The following COL4A2 variants were observed in gnomAD, a reference collection of about 807,000 sequenced individuals.
COL4A2 encodes the protein collagen alpha-2(IV) chain.
Under a neutral mutation model 200.2 loss-of-function variants are expected in COL4A2, and 99 were observed. The ratio of observed to expected loss-of-function variants is 0.49; its 90% CI spans 0.42 to 0.58. COL4A2 has a LOEUF of 0.58. Ranked by LOEUF, COL4A2 falls within the 20% of genes least tolerant of loss-of-function variation. The pLI is 0.00. For missense variants in COL4A2, 1,950 were observed against 2,314.1 expected (o/e 0.84, Z 3.23); for synonymous variants, 897 against 900.6 (o/e 1.00, Z 0.07).
At chr13:110,459,048 G>A (rs1428320985) in intron 22 of COL4A2, 114 bp downstream of exon 22, 4 of 1,065,160 alleles carry the variant, frequency 3.8e-6, no homozygotes, top group East Asian at 2.8e-5. Context: ...AACACTCATG[G>A]ACCCAAGGCA....
At chr13:110,460,297 G>A (rs1173224380) in intron 22 of COL4A2, among the ~76,000 whole-genome samples, 4 of 152,120 alleles carry the variant, frequency 2.6e-5, no homozygotes, top group East Asian at 1.9e-4. Flanking sequence ...CGGGCACCTC[G>A]CTGATCCATG....
chr13:110,411,828 A>G (rs1269644458), intron 4 of COL4A2, among the ~76,000 whole-genome samples: 1 of 152,168 alleles, frequency 6.6e-6, no homozygotes, highest in African/African-American at 2.4e-5. Flanking sequence ...CTCTTTTGAA[A>G]AGCCCCATAT....
At chr13:110,308,954 T>C (rs185376575) in intron 3 of COL4A2, among the ~76,000 whole-genome samples, 22 of 152,308 alleles carry the variant, frequency 1.4e-4, no homozygotes, top group Admixed American at 8.5e-4. Flanking sequence ...TTTCGAGATG[T>C]CCGCTGTCCC....
intron 4 of COL4A2, among the ~76,000 whole-genome samples, chr13:110,383,210 G>A (rs1008642881): frequency 3.9e-5 from 6 of 152,186 alleles, no homozygotes; most frequent in African/African-American, 9.7e-5. Context: ...CATGGAAGAT[G>A]CTGTCAGAAC....
chr13:110,463,676 G>A (rs1261613204), intron 24 of COL4A2, among the ~76,000 whole-genome samples: 1 of 152,106 alleles, frequency 6.6e-6, no homozygotes, highest in African/African-American at 2.4e-5. Flanking sequence ...GGGACCACAG[G>A]TGCACACCAG....
intron 4 of COL4A2, among the ~76,000 whole-genome samples, chr13:110,382,358 T>C (rs544842577): frequency 1.3e-5 from 2 of 152,346 alleles, no homozygotes; most frequent in South Asian, 2.1e-4. Flanking sequence ...CTTGCAAGAC[T>C]TGAAGTTTTC....
Position 110,307,800 on chromosome 13 carries a change from C to G in COL4A2, c.-44-60C>G. On this transcript the variant is annotated intron_variant, in intron 1 of 47. Transcript: ENST00000360467. The surrounding 1 kb of genome is among the most constrained non-coding windows in gnomAD (Gnocchi z 5.0). ...CCCGCGTCTCGCGGACCGAGACCGG[C>G]GGTGAGGATGGGCTGCCTCCCTCAT... 7.0e-7 allele frequency: 1 copy of G among 1,426,808 alleles called. No homozygotes were observed. The highest frequency in any genetic ancestry group is 9.4e-7 in the Non-Finnish European group (1 of 1,058,894). 88.4% of individuals were successfully genotyped at this position (1,426,808 alleles called of 1,614,324 possible).
At position 110,449,686 on chromosome 13, in the gene COL4A2, A is replaced by C. The variant is rs1453003886; in HGVS notation, c.1086A>C (p.Arg362Ser). The C allele has an allele frequency of 1.9e-6, 3 of 1,547,794 alleles. No homozygotes were observed. The change falls in exon 19 of 48, where the codon AGA becomes AGC. Residue 362 changes from arginine (R) to serine (S), a missense_variant. Arg to Ser is a moderately radical substitution (Grantham distance 110). This residue lies in a region of COL4A2 where 565 missense variants were observed against 593.5 expected (regional missense o/e 0.95). Coordinates refer to ENST00000360467, the MANE Select transcript of COL4A2 (RefSeq NM_001846.4). Reference protein sequence around the residue: ...SPHPSLAKGARGDPGFPGAQG... With the variant: ...SPHPSLAKGASGDPGFPGAQG... ...GACTTGTTTCCCTTCCAGGTGCCAG[A>C]GGTGACCCGGGATTCCCAGGGGCCC...
intron 34 of COL4A2, among the ~76,000 whole-genome samples, chr13:110,486,716 G>A (rs1281795028): frequency 6.6e-6 from 1 of 152,096 alleles, no homozygotes; most frequent in Admixed American, 6.5e-5. Context: ...GGAGATAGGG[G>A]TGGGGCCGTT....
At chr13:110,497,680 C>T (rs1248905328) in intron 40 of COL4A2, among the ~76,000 whole-genome samples, 1 of 152,076 alleles carries the variant, frequency 6.6e-6, no homozygotes, top group African/African-American at 2.4e-5. Flanking sequence ...TAGGTCAATC[C>T]ACTAGCACAA....
chr13:110,370,624 C>A (rs1877963233), intron 4 of COL4A2, among the ~76,000 whole-genome samples: 1 of 152,152 alleles, frequency 6.6e-6, no homozygotes, highest in Non-Finnish European at 1.5e-5. Flanking sequence ...TCCACTTGTG[C>A]AGTTAATTTT....
chr13:110,362,059 C>T (rs1008338759), intron 4 of COL4A2, among the ~76,000 whole-genome samples: 11 of 152,222 alleles, frequency 7.2e-5, no homozygotes, highest in Non-Finnish European at 1.3e-4. Flanking sequence ...TCCCATATGT[C>T]AGCCTAGAAG....
rs1883348686 is a variant in COL4A2 at position 110,493,241 on chromosome 13, T to G, written c.3593T>G (p.Leu1198Ter). ...CCGGGACTCCGTGGGATCCGCGGCT[T>G]ACACGGCTTGCCAGGCACCAAGGGC... Reference protein sequence around the residue: ...GFPGLRGIRGLHGLPGTKGFP... With the variant: ...GFPGLRGIRG The change falls in exon 39 of 48, where the codon TTA becomes TGA. Residue 1198 changes from leucine to a stop codon, truncating the protein, a stop_gained. Transcript: ENST00000360467. LOFTEE classifies it high-confidence loss of function. The G allele has an allele frequency of 6.2e-7, 1 of 1,614,068 alleles. No individual in the cohort carries two copies. Among genetic ancestry groups the G allele is most frequent in the African/African-American group, 1.3e-5 (1 of 74,950 alleles).
intron 22 of COL4A2, among the ~76,000 whole-genome samples, chr13:110,460,058 AT>A (rs1881964133): frequency 6.6e-6 from 1 of 152,296 alleles, no homozygotes; most frequent in East Asian, 1.9e-4. Context: ...CTTTTTGTTG[AT>A]TTTTTAACTT....
intron 39 of COL4A2, among the ~76,000 whole-genome samples, chr13:110,493,577 G>C (rs541488744): frequency 1.3e-5 from 2 of 152,278 alleles, no homozygotes; most frequent in African/African-American, 4.8e-5. Context: ...AGCACCGTTG[G>C]GAGGGTGGGA....
In COL4A2 at chr13:110,472,317, G is replaced by A. The variant is rs572797576; in HGVS notation, c.2204-612G>A. On this transcript the variant is annotated intron_variant, in intron 28 of 47. Coordinates refer to ENST00000360467, the MANE Select transcript of COL4A2 (RefSeq NM_001846.4). Reference sequence around the variant, plus strand: ...TTTTTAGTAGAGACGAGGTTTCACCGTGTTAGCCAGGATGGTCTCGATCTC... The same window carrying A: ...TTTTTAGTAGAGACGAGGTTTCACCATGTTAGCCAGGATGGTCTCGATCTC... Among the ~76,000 whole-genome samples the A allele has an allele frequency of 1.9e-3, 283 of 152,042 alleles. 1 individual carries two copies. The highest frequency in any genetic ancestry group is 5.6e-3 in the African/African-American group (233 of 41,506).
At chr13:110,475,349 G>A (rs989384187) in intron 29 of COL4A2, among the ~76,000 whole-genome samples, 1 of 152,228 alleles carries the variant, frequency 6.6e-6, no homozygotes, top group African/African-American at 2.4e-5. Context: ...AGAAGGCAAA[G>A]TGAAGGACAT....
At chr13:110,480,840 C>T (rs1295997085) in intron 31 of COL4A2, among the ~76,000 whole-genome samples, 3 of 152,060 alleles carry the variant, frequency 2.0e-5, no homozygotes, top group Non-Finnish European at 2.9e-5. Flanking sequence ...CCCTCCAGCC[C>T]ATGAACGTTG....
chr13:110,491,214 A>C lies in COL4A2; in HGVS notation c.3347-19A>C. Reference sequence around the variant, plus strand: ...GGCGCGGTGTCTGTTTGTTCCAAGCAGCATGTCTGTGGTTGCAGGTCTGAA... The same window carrying C: ...GGCGCGGTGTCTGTTTGTTCCAAGCCGCATGTCTGTGGTTGCAGGTCTGAA... On this transcript the variant is annotated intron_variant, in intron 36 of 47. Transcript: ENST00000360467. 6.4e-7 allele frequency: 1 copy of C among 1,558,364 alleles called. No individual in the cohort carries two copies. Among genetic ancestry groups the C allele is most frequent in the Non-Finnish European group, 8.7e-7 (1 of 1,142,908 alleles).
Sources: allele counts gnomAD v4.1 joint callset (sites outside exome capture counted in the v4.1 genomes callset), GRCh38; gene constraint gnomAD v4.1.1; regional missense constraint gnomAD v4.1.1; non-coding constraint Gnocchi (gnomAD v3.1); transcripts MANE v1.5; gene names NCBI Gene and HGNC (gene_info 2026-07-23, HGNC 2026-07-21).